Variants in IGSF5 observed in about 807,000 individuals in gnomAD.
IGSF5 encodes the protein immunoglobulin superfamily 5 like.
IGSF5 carries 41 observed loss-of-function variants against 39.4 expected under a neutral mutation model. The observed-to-expected ratio is 1.04, with a 90% confidence interval of 0.81 to 1.35. The LOEUF (loss-of-function observed/expected upper bound fraction) is 1.35, where lower values mean the gene tolerates loss of function less well. Ranked by LOEUF, IGSF5 falls within the 40% of genes most tolerant of loss-of-function variation. The pLI is 0.00. For synonymous variants in IGSF5, 183 were observed against 175.3 expected, an observed-to-expected ratio of 1.04 and a Z score of -0.34; for missense variants, 487 against 494.6, an observed-to-expected ratio of 0.98 and a Z score of 0.15.
the IGSF5 span, among the ~76,000 whole-genome samples, chr21:39,734,583 T>C: frequency 6.6e-6 from 1 of 152,132 alleles, no homozygotes; most frequent in East Asian, 1.9e-4. Context: ...CCACTGATTT[T>C]TTTAAACTGA....
the IGSF5 span, among the ~76,000 whole-genome samples, chr21:39,733,594 C>T: frequency 5.3e-5 from 8 of 152,194 alleles, no homozygotes; most frequent in Non-Finnish European, 8.8e-5. Flanking sequence ...TCATATTAGC[C>T]TCCCAGGGCT....
intron 3 of IGSF5, among the ~76,000 whole-genome samples, chr21:39,766,960 T>C (rs910138841): frequency 6.6e-6 from 1 of 152,194 alleles, no homozygotes; most frequent in Non-Finnish European, 1.5e-5. Flanking sequence ...TTTCTATTTG[T>C]GTTTTAAAAA....
upstream of IGSF5, among the ~76,000 whole-genome samples, chr21:39,743,955 G>T (rs920056407): frequency 3.6e-4 from 54 of 152,084 alleles, no homozygotes; most frequent in Non-Finnish European, 7.8e-4. Flanking sequence ...GGGCAATTTT[G>T]CCTTGGGGGG....
At chr21:39,774,284 G>A (rs1055031681) in intron 4 of IGSF5, among the ~76,000 whole-genome samples, 1 of 152,238 alleles carries the variant, frequency 6.6e-6, no homozygotes, top group African/African-American at 2.4e-5. Flanking sequence ...GGTTTCCAGA[G>A]AGCCAAGTGT....
intron 5 of IGSF5, among the ~76,000 whole-genome samples, chr21:39,783,310 T>C (rs941096933): frequency 6.6e-6 from 1 of 152,208 alleles, no homozygotes; most frequent in Non-Finnish European, 1.5e-5. Flanking sequence ...ATAATGACTG[T>C]ACTAATTTAC....
At chr21:39,725,464 G>C in the IGSF5 span, among the ~76,000 whole-genome samples, 1 of 152,214 alleles carries the variant, frequency 6.6e-6, no homozygotes, top group Non-Finnish European at 1.5e-5. Flanking sequence ...TTTGAAAGCA[G>C]CAGGGCCTCT....
intron 2 of IGSF5, among the ~76,000 whole-genome samples, chr21:39,756,164 G>T (rs146157692): frequency 6.6e-6 from 1 of 152,180 alleles, no homozygotes; most frequent in African/African-American, 2.4e-5. Context: ...TAGTGCACAC[G>T]TTGAATTTTG....
At chr21:39,724,981 T>C in the IGSF5 span, among the ~76,000 whole-genome samples, 1 of 152,248 alleles carries the variant, frequency 6.6e-6, no homozygotes, top group Non-Finnish European at 1.5e-5. Flanking sequence ...CAATACAAAG[T>C]ATTTACACCC....
chr21:39,773,478 C>CTTTTTTTTTCCTT lies in IGSF5; in HGVS notation c.718+2275_718+2276insTTTTTTTTTTCCT, dbSNP rs57479286. On this transcript the variant is annotated intron_variant, in intron 4 of 8. Coordinates refer to ENST00000380588, the MANE Select transcript of IGSF5 (RefSeq NM_001080444.2). ...GACTTCCCTCCCCTTTCTTCCTTTTCTTTTTTTTTCCTCACAGTTTTAGTA... is the reference window on the plus strand; with the variant it reads ...GACTTCCCTCCCCTTTCTTCCTTTTCTTTTTTTTTCCTTTTTTTTTTTCCTCACAGTTTTAGTA... Among the ~76,000 whole-genome samples, 358 of 143,934 alleles carry CTTTTTTTTTCCTT rather than the reference C, an allele frequency of 2.5e-3. 1 individual carries two copies. The highest frequency in any genetic ancestry group is 9.1e-3 in the African/African-American group (329 of 35,990). The allele number at this position is 143,934 out of a possible 152,430, so 94.4% of individuals were successfully genotyped here.
chr21:39,771,756 A>G (rs112656276), intron 4 of IGSF5, among the ~76,000 whole-genome samples: 24 of 152,306 alleles, frequency 1.6e-4, no homozygotes, highest in African/African-American at 5.8e-4. Context: ...GATCCCCCTA[A>G]AGAATCTCCT....
intron 8 of IGSF5, among the ~76,000 whole-genome samples, chr21:39,794,395 A>G (rs1163407755): frequency 6.6e-6 from 1 of 152,142 alleles, no homozygotes; most frequent in Non-Finnish European, 1.5e-5. Context: ...AGCTGTAGAT[A>G]CTGGTTGGTT....
chr21:39,726,705 TA>T, the IGSF5 span, among the ~76,000 whole-genome samples: 1 of 152,194 alleles, frequency 6.6e-6, no homozygotes, highest in Non-Finnish European at 1.5e-5. Context: ...GATTTTCCCT[TA>T]CTGGAATTGA....
upstream of IGSF5, among the ~76,000 whole-genome samples, chr21:39,740,673 GA>G (rs1192602590): frequency 6.6e-6 from 1 of 152,172 alleles, no homozygotes; most frequent in African/African-American, 2.4e-5. Context: ...TCAGTCAAGG[GA>G]ACCTCTAAAT....
intron 6 of IGSF5, among the ~76,000 whole-genome samples, chr21:39,789,725 C>A (rs2086950414): frequency 6.6e-6 from 1 of 152,048 alleles, no homozygotes; most frequent in Admixed American, 6.6e-5. Context: ...TTCTATAGTT[C>A]CAAAGTAATT....
intron 5 of IGSF5, among the ~76,000 whole-genome samples, chr21:39,782,658 A>G (rs1188684505): frequency 6.6e-6 from 1 of 152,204 alleles, no homozygotes; most frequent in African/African-American, 2.4e-5. Context: ...TGTGTGTACA[A>G]TGTATAATGA....
chr21:39,758,414 C>T (rs1183516586), intron 2 of IGSF5, among the ~76,000 whole-genome samples: 1 of 152,162 alleles, frequency 6.6e-6, no homozygotes, highest in Non-Finnish European at 1.5e-5. Flanking sequence ...AGTTGTTGCA[C>T]CTGCTGAAAT....
At chr21:39,734,206 C>T in the IGSF5 span, among the ~76,000 whole-genome samples, 4 of 152,004 alleles carry the variant, frequency 2.6e-5, no homozygotes, top group South Asian at 2.1e-4. Context: ...AGGTAGATCA[C>T]GAGGTCAGGA....
chr21:39,771,292 C>T (rs760455232), intron 4 of IGSF5, 77 bp downstream of exon 4: 10 of 1,324,538 alleles, frequency 7.5e-6, no homozygotes, highest in East Asian at 2.5e-5. Flanking sequence ...GCTCCTTCAT[C>T]CACGATGCCT....
At chr21:39,720,498 C>T in the IGSF5 span, among the ~76,000 whole-genome samples, 16 of 152,218 alleles carry the variant, frequency 1.1e-4, 1 homozygote, top group South Asian at 2.9e-3. Context: ...AAGTATGGTA[C>T]GTGAAAAACA....
Sources: gnomAD v4.1 joint callset for allele counts (sites outside exome capture counted in the v4.1 genomes callset) on GRCh38, gnomAD v4.1.1 for gene constraint, MANE v1.5 for transcripts, NCBI Gene and HGNC (gene_info 2026-07-23, HGNC 2026-07-21) for gene names.